CSMD2: variants seen among roughly 807,000 people sequenced by gnomAD.
The protein encoded by CSMD2 is CUB and Sushi multiple domains 2.
CSMD2 carries 130 observed loss-of-function variants against 398.5 expected under a neutral mutation model. The ratio of observed to expected loss-of-function variants is 0.33; its 90% CI spans 0.28 to 0.38. The LOEUF (loss-of-function observed/expected upper bound fraction) is 0.38. Among genes scored for constraint, CSMD2 ranks in the 10% least tolerant of loss-of-function variants. The pLI, the probability that CSMD2 is intolerant of heterozygous loss-of-function variation, is 1.00. For missense variants in CSMD2, 3,829 were observed against 4,764.9 expected, an observed-to-expected ratio of 0.80 and a Z score of 5.78; for synonymous variants, 1,828 against 1,908.5, an observed-to-expected ratio of 0.96 and a Z score of 1.10.
At chr1:34,124,961 CT>C (rs1220734269) in intron 1 of CSMD2, among the ~76,000 whole-genome samples, 11 of 152,274 alleles carry the variant, frequency 7.2e-5, no homozygotes, top group African/African-American at 2.6e-4. Flanking sequence ...ACTTCCATGA[CT>C]TCGATTCAGT....
At chr1:33,727,818 A>G (rs531102345) in intron 15 of CSMD2, among the ~76,000 whole-genome samples, 2 of 152,050 alleles carry the variant, frequency 1.3e-5, no homozygotes, top group Admixed American at 6.6e-5. Context: ...GTAAGTTAAC[A>G]CCGTGTAGCC....
At chr1:34,010,166 C>T (rs535503335) in intron 3 of CSMD2, among the ~76,000 whole-genome samples, 1 of 152,264 alleles carries the variant, frequency 6.6e-6, no homozygotes, top group African/African-American at 2.4e-5. Flanking sequence ...AGCTTTCCAC[C>T]ACTCTATGTG....
intron 25 of CSMD2, among the ~76,000 whole-genome samples, chr1:33,685,766 C>T (rs560053047): frequency 2.0e-5 from 3 of 152,294 alleles, no homozygotes; most frequent in Admixed American, 6.5e-5. Flanking sequence ...TACTGAACTC[C>T]GTCACTTGGC....
At chr1:33,969,581 T>C (rs1236160867) in intron 3 of CSMD2, among the ~76,000 whole-genome samples, 1 of 152,236 alleles carries the variant, frequency 6.6e-6, no homozygotes, top group East Asian at 1.9e-4. Flanking sequence ...AATTAGGTAT[T>C]ATTATTTCCA....
chr1:33,593,235 C>CA (rs762486586), intron 44 of CSMD2, among the ~76,000 whole-genome samples: 27 of 152,282 alleles, frequency 1.8e-4, no homozygotes, highest in Admixed American at 4.6e-4. Flanking sequence ...TATGTTTGCC[C>CA]AATATAATCT....
intron 19 of CSMD2, among the ~76,000 whole-genome samples, chr1:33,718,582 A>G (rs1049274548): frequency 2.6e-5 from 4 of 152,196 alleles, no homozygotes; most frequent in African/African-American, 9.7e-5. Flanking sequence ...TACTCAAAGT[A>G]TGGTCCATGA....
chr1:33,937,381 T>G (rs943438646), intron 3 of CSMD2, among the ~76,000 whole-genome samples: 1 of 152,088 alleles, frequency 6.6e-6, no homozygotes, highest in Non-Finnish European at 1.5e-5. Context: ...GCAAACAGCA[T>G]GTGCAAAGGC....
In CSMD2 at chr1:33,533,064, G is replaced by A. The variant is rs1214567193; in HGVS notation, c.10157C>T (p.Pro3386Leu). 3.7e-6 allele frequency: 6 copies of A among 1,611,684 alleles called. No individual in the cohort carries two copies. The highest frequency in any genetic ancestry group is 2.2e-5 in the South Asian group (2 of 90,930). Residue 3386 changes from proline to leucine, a missense_variant, in exon 64 of 71, where the codon CCG becomes CTG. By Grantham distance (98) the Pro-to-Leu change is moderately conservative. Around this residue, in one of 5 missense-constraint regions of CSMD2, gnomAD observed 917 missense variants for 1,199.5 expected, o/e 0.76. Transcript: ENST00000373381. The surrounding 1 kb of genome is among the most constrained non-coding windows in gnomAD (Gnocchi z 4.2). ...GGCACACTCACCCAGGCAGATGGGC[G>A]GCTTGCCTGTCCAGCTGCCATCCGC... The part of the protein sequence containing the change: ...CKADGSWTGK[P>L]PICLEVRPSG...
At chr1:33,752,979 A>G (rs552771271) in intron 13 of CSMD2, among the ~76,000 whole-genome samples, 1 of 152,338 alleles carries the variant, frequency 6.6e-6, no homozygotes, top group South Asian at 2.1e-4. Context: ...GCATTCAAGA[A>G]TTAGCATGGC....
chr1:33,996,298 G>T (rs1646724919), intron 3 of CSMD2, among the ~76,000 whole-genome samples: 1 of 152,200 alleles, frequency 6.6e-6, no homozygotes, highest in Non-Finnish European at 1.5e-5. Flanking sequence ...CTCGGAGAGG[G>T]ATGAAAAAGT....
chr1:33,910,273 C>T lies in CSMD2; in HGVS notation c.920+7821G>A, dbSNP rs1036575008. The stretch of plus-strand genomic sequence containing the variant: ...TCCTGGTCCATGCTCCTCCTGTGTT[C>T]ATTTTGGGCCTCATATCCTGCACTT... On this transcript the variant is annotated intron_variant, in intron 5 of 70. Transcript: ENST00000373381. Among the ~76,000 whole-genome samples the T allele has an allele frequency of 2.6e-5, 4 of 152,310 alleles. No individual in the cohort carries two copies. In the East Asian group the frequency reaches 5.8e-4, roughly 22 times the overall value.
In CSMD2 at chr1:33,624,402, TCCTGGCTCAC is replaced by T; in HGVS notation, c.5625+107_5625+116del. Reference sequence around the variant, plus strand: ...GCAGGTACAGGGCTGATATGTCTCTTCCTGGCTCACCCTGACTCAGGCCTTGGCACCAGCC... The same window carrying T: ...GCAGGTACAGGGCTGATATGTCTCTTCCTGACTCAGGCCTTGGCACCAGCC... On this transcript the variant is annotated intron_variant, in intron 35 of 70. Coordinates refer to ENST00000373381, the MANE Select transcript of CSMD2 (RefSeq NM_001281956.2). This position sits in a 1 kb window ranked among gnomAD's most constrained non-coding sequence, Gnocchi z 4.7. 7.4e-7 allele frequency: 1 copy of T among 1,350,146 alleles called. No homozygotes were observed. The highest frequency in any genetic ancestry group is 1.0e-6 in the Non-Finnish European group (1 of 979,638). The allele number at this position is 1,350,146 out of a possible 1,614,324, so 83.6% of individuals were successfully genotyped here.
At chr1:34,022,874 C>T (rs974686670) in intron 3 of CSMD2, among the ~76,000 whole-genome samples, 1 of 152,118 alleles carries the variant, frequency 6.6e-6, no homozygotes, top group Non-Finnish European at 1.5e-5. Context: ...TTCTGTTGCC[C>T]AGGCTGGAGT....
At chr1:34,085,477 T>C (rs1023740912) in intron 2 of CSMD2, among the ~76,000 whole-genome samples, 8 of 152,048 alleles carry the variant, frequency 5.3e-5, no homozygotes, top group African/African-American at 1.9e-4. Flanking sequence ...TTTCTTTTGG[T>C]GGGGGGAATA....
intron 4 of CSMD2, 130 bp from the exon 5 acceptor site, chr1:33,918,431 A>G (rs1200865297): frequency 1.3e-6 from 1 of 752,760 alleles, no homozygotes. Flanking sequence ...GGACATAGAT[A>G]AAGCAGCAAA....
At chr1:33,837,992 C>G (rs1048795669) in intron 6 of CSMD2, among the ~76,000 whole-genome samples, 2 of 152,196 alleles carry the variant, frequency 1.3e-5, no homozygotes, top group Non-Finnish European at 2.9e-5. Context: ...GCATGACTTA[C>G]TGGGCTGAGC....
rs183655323 is a variant in CSMD2 at position 34,057,818 on chromosome 1, A to C, written c.405-25112T>G. ...ACTACCCACCTTGTCTCTCTGGCTT[A>C]TTTACTAACTTGGCCATAAATAATC... On this transcript the variant is annotated intron_variant, in intron 2 of 70. Transcript: ENST00000373381. Among the ~76,000 whole-genome samples, 3 of 152,256 alleles carry C rather than the reference A, an allele frequency of 2.0e-5. No homozygotes were observed. In the East Asian group the frequency reaches 5.8e-4, roughly 29 times the overall value.
intron 65 of CSMD2, 86 bp downstream of exon 65, chr1:33,527,110 C>T: frequency 8.2e-7 from 1 of 1,212,786 alleles, no homozygotes; most frequent in East Asian, 2.3e-5. Flanking sequence ...AGGCACTCAG[C>T]AACTCTCAGC....
At chr1:34,080,393 T>C (rs1390856638) in intron 2 of CSMD2, among the ~76,000 whole-genome samples, 1 of 152,014 alleles carries the variant, frequency 6.6e-6, no homozygotes, top group Non-Finnish European at 1.5e-5. Flanking sequence ...CTGAATGATA[T>C]TAATAACATA....
Sources: allele counts gnomAD v4.1 joint callset (sites outside exome capture counted in the v4.1 genomes callset), GRCh38; gene constraint gnomAD v4.1.1; regional missense constraint gnomAD v4.1.1; non-coding constraint Gnocchi (gnomAD v3.1); transcripts MANE v1.5; gene names NCBI Gene and HGNC (gene_info 2026-07-23, HGNC 2026-07-21).